The following CDC40 variants were observed in gnomAD, a reference collection of about 807,000 sequenced individuals.
The protein encoded by CDC40 is cell division cycle 40.
A neutral mutation model predicts 80.6 loss-of-function variants in CDC40; 27 were observed. The ratio of observed to expected loss-of-function variants is 0.33; its 90% CI spans 0.25 to 0.46. The LOEUF is 0.46. CDC40 is among the 20% of genes least tolerant of loss of function. The pLI is 1.00. For missense variants in CDC40, 486 were observed against 694.1 expected, an observed-to-expected ratio of 0.70 and a Z score of 3.37; for synonymous variants, 221 against 232.6, an observed-to-expected ratio of 0.95 and a Z score of 0.45.
Position 110,231,802 on chromosome 6 carries a change from G to A in CDC40, c.*1671G>A, listed in dbSNP as rs1318831508. 6.9e-5 allele frequency: 10 copies of A among 145,800 alleles called. No individual in the cohort carries two copies. The highest frequency in any genetic ancestry group is 1.2e-4 in the Non-Finnish European group (8 of 66,786). The allele number at this position is 145,800 out of a possible 1,614,324, so 9.0% of individuals were successfully genotyped here. A position where few individuals can be genotyped will look rare whatever the true frequency, so the allele number is the denominator to read the frequency against. ...AGAAATTTAGATTTTAAAAGGCGTG[G>A]GACATACGACCAGGCCCTATAGCCA... On this transcript the variant is annotated 3_prime_UTR_variant, in exon 15 of 15. Transcript: ENST00000307731.
chr6:110,228,199 A>G (rs908757120), intron 13 of CDC40, among the ~76,000 whole-genome samples: 3 of 152,198 alleles, frequency 2.0e-5, no homozygotes, highest in Non-Finnish European at 4.4e-5. Context: ...AGGTACAGTT[A>G]AAATTTAGCA....
intron 1 of CDC40, among the ~76,000 whole-genome samples, chr6:110,191,343 A>G (rs193048750): frequency 1.3e-5 from 2 of 152,284 alleles, no homozygotes; most frequent in East Asian, 1.9e-4. Flanking sequence ...GTTACTTTGC[A>G]TTATCTTTGC....
chr6:110,201,511 T>C, intron 2 of CDC40, 47 bp from the exon 3 acceptor site: 1 of 1,454,856 alleles, frequency 6.9e-7, no homozygotes, highest in Non-Finnish European at 9.3e-7. Context: ...CTCAGAACTT[T>C]TGTGTCTTTC....
At chr6:110,225,375 T>C (rs924465877) in intron 12 of CDC40, among the ~76,000 whole-genome samples, 3 of 152,080 alleles carry the variant, frequency 2.0e-5, no homozygotes, top group African/African-American at 7.2e-5. Context: ...GAAAAGGCAC[T>C]TAGAACTTTT....
At chr6:110,195,625 C>T (rs924189640) in intron 2 of CDC40, among the ~76,000 whole-genome samples, 3 of 151,996 alleles carry the variant, frequency 2.0e-5, no homozygotes, top group Non-Finnish European at 4.4e-5. Flanking sequence ...AAAATCCTTC[C>T]GGCACAGAGT....
At position 110,180,572 on chromosome 6, in the gene CDC40, C is replaced by T. The variant is rs1055482213; in HGVS notation, c.128C>T (p.Ser43Leu). Residue 43 changes from serine to leucine, a missense_variant, in exon 1 of 15, where the codon TCG becomes TTG. This residue lies in a region of CDC40 where 381 missense variants were observed against 492.1 expected (regional missense o/e 0.77). Transcript: ENST00000307731. ...GACTCCCTCATGCACTTGACTAAAT[C>T]GCCTTCATCAAAGCCGTCTCTAGCA... ...AADSLMHLTK[S>L]PSSKPSLAVA... The T allele has an allele frequency of 3.7e-6, 6 of 1,614,056 alleles. No individual in the cohort carries two copies. The highest frequency in any genetic ancestry group is 5.1e-6 in the Non-Finnish European group (6 of 1,180,016).
intron 13 of CDC40, 118 bp from the exon 14 acceptor site, chr6:110,228,714 G>A (rs1459353266): frequency 1.5e-6 from 1 of 677,792 alleles, no homozygotes; most frequent in Non-Finnish European, 2.3e-6. Flanking sequence ...TTATTTTTTA[G>A]TATTATAAAG....
intron 1 of CDC40, among the ~76,000 whole-genome samples, chr6:110,191,014 G>C (rs973532059): frequency 6.6e-6 from 1 of 152,152 alleles, no homozygotes; most frequent in Non-Finnish European, 1.5e-5. Context: ...TCATGAAAAG[G>C]ATAAGATAGG....
intron 2 of CDC40, 48 bp downstream of exon 2, chr6:110,193,316 C>A: frequency 1.8e-6 from 2 of 1,082,406 alleles, no homozygotes; most frequent in South Asian, 1.3e-5. Context: ...GAATTTAAAT[C>A]ATAGTAGATA....
At chr6:110,204,661 T>C (rs1405325164) in intron 3 of CDC40, among the ~76,000 whole-genome samples, 3 of 143,416 alleles carry the variant, frequency 2.1e-5, no homozygotes, top group African/African-American at 5.1e-5. Flanking sequence ...CTATTTCTCT[T>C]TTTTTTTTTT....
Position 110,201,634 on chromosome 6 carries a change from C to T in CDC40, c.353C>T (p.Ala118Val), listed in dbSNP as rs1440820702. 7 of 1,613,058 alleles carry T rather than the reference C, an allele frequency of 4.3e-6. No individual in the cohort carries two copies. The highest frequency in any genetic ancestry group is 5.9e-6 in the Non-Finnish European group (7 of 1,179,154). The change falls in exon 3 of 15, where the codon GCT becomes GTT. Residue 118 changes from alanine to valine, a missense_variant. Physicochemically the swap from Ala to Val is moderately conservative, Grantham distance 64. Coordinates refer to ENST00000307731, the MANE Select transcript of CDC40 (RefSeq NM_015891.3). ...ATGCTTTCTGGATATGCCGAACCAG[C>T]TCATATCAATGATTTCATGTTTGAG... ...RNMLSGYAEP[A>V]HINDFMFEQQ... is the part of the protein sequence containing the mutation.
In CDC40 at chr6:110,219,349, AGT is replaced by A. The variant is rs1777739058; in HGVS notation, c.1091-14_1091-13del. 1 of 1,139,980 alleles carries A rather than the reference AGT, an allele frequency of 8.8e-7. No homozygotes were observed. The highest frequency in any genetic ancestry group is 1.3e-6 in the Non-Finnish European group (1 of 763,316). 70.6% of individuals were successfully genotyped at this position (1,139,980 alleles called of 1,614,324 possible). A position where few individuals can be genotyped will look rare whatever the true frequency, so the allele number is the denominator to read the frequency against. On this transcript the variant is annotated splice_polypyrimidine_tract_variant and intron_variant, in intron 10 of 14. Coordinates refer to ENST00000307731, the MANE Select transcript of CDC40 (RefSeq NM_015891.3). Reference sequence around the variant, plus strand: ...AAATTTATTTTACCTATTTAATTTGAGTCTTTGGTTTTAGGACAGTGTATATC... The same window carrying A: ...AAATTTATTTTACCTATTTAATTTGACTTTGGTTTTAGGACAGTGTATATC...
At chr6:110,212,497 A>G (rs1166443312) in intron 7 of CDC40, among the ~76,000 whole-genome samples, 1 of 152,208 alleles carries the variant, frequency 6.6e-6, no homozygotes, top group Non-Finnish European at 1.5e-5. Context: ...TTCATGATTT[A>G]GTGTCCTGTA....
Position 110,193,230 on chromosome 6 carries a change from C to A in CDC40, c.238C>A (p.Gln80Lys). The change falls in exon 2 of 15, where the codon CAG (glutamine) becomes AAG (lysine). Residue 80 changes from glutamine to lysine, a missense_variant. Gln to Lys is a moderately conservative substitution (Grantham distance 53). Coordinates refer to ENST00000307731, the MANE Select transcript of CDC40 (RefSeq NM_015891.3). ...VHLDPAVKEVQYNPTYETMFA... is the reference protein window; with the variant it reads ...VHLDPAVKEVKYNPTYETMFA... ...CCTTGACCCTGCCGTCAAAGAAGTTCAGTATAATCCTACCTATGAGACCAT... is the reference window on the plus strand; with the variant it reads ...CCTTGACCCTGCCGTCAAAGAAGTTAAGTATAATCCTACCTATGAGACCAT... 6.2e-7 allele frequency: 1 copy of A among 1,609,268 alleles called. No individual in the cohort carries two copies. The highest frequency in any genetic ancestry group is 1.1e-5 in the South Asian group (1 of 90,948).
At chr6:110,229,683 T>A (rs1473908164) in intron 14 of CDC40, among the ~76,000 whole-genome samples, 1 of 152,156 alleles carries the variant, frequency 6.6e-6, no homozygotes, top group Non-Finnish European at 1.5e-5. Context: ...ATCTAGAGAC[T>A]GATTGTGTAA....
chr6:110,226,724 T>G (rs764919569), intron 13 of CDC40, among the ~76,000 whole-genome samples: 2 of 152,060 alleles, frequency 1.3e-5, no homozygotes, highest in African/African-American at 2.4e-5. Flanking sequence ...GAGTTTTCTT[T>G]TCTAATTCTC....
intron 9 of CDC40, 69 bp downstream of exon 9, chr6:110,215,400 T>C (rs1777687599): frequency 2.5e-6 from 3 of 1,192,122 alleles, no homozygotes; most frequent in Middle Eastern, 4.1e-4. Context: ...TCATTGACAA[T>C]AACTTTACTA....
At chr6:110,184,496 T>C (rs1287862762) in intron 1 of CDC40, among the ~76,000 whole-genome samples, 1 of 152,112 alleles carries the variant, frequency 6.6e-6, no homozygotes, top group Non-Finnish European at 1.5e-5. Context: ...ATAAACAGTA[T>C]TGTATTTTTC....
In CDC40 at chr6:110,180,699, T is replaced by G. The variant is rs1409849502; in HGVS notation, c.189+66T>G. ...CTTCAGCTCCAGAACTGCCAGCCGC[T>G]TGTTAGGTACCGGGTTACCTCTTTC... On this transcript the variant is annotated intron_variant, in intron 1 of 14. Coordinates refer to ENST00000307731, the MANE Select transcript of CDC40 (RefSeq NM_015891.3). 3.4e-6 allele frequency: 4 copies of G among 1,173,132 alleles called. No homozygotes were observed. In the African/African-American group the frequency reaches 6.0e-5, roughly 18 times the overall value. 72.7% of individuals were successfully genotyped at this position (1,173,132 alleles called of 1,614,324 possible).
Sources: gnomAD v4.1 joint callset for allele counts (sites outside exome capture counted in the v4.1 genomes callset) on GRCh38, gnomAD v4.1.1 for gene constraint, gnomAD v4.1.1 regional missense constraint, MANE v1.5 for transcripts, NCBI Gene and HGNC (gene_info 2026-07-23, HGNC 2026-07-21) for gene names.